The following EIF5B variants were observed in gnomAD, a reference collection of about 807,000 sequenced individuals.
The protein encoded by EIF5B is eIF-5B.
In EIF5B, 47 loss-of-function variants were observed where a neutral mutation model predicts 147.5. The ratio of observed to expected loss-of-function variants is 0.32; its 90% CI spans 0.25 to 0.41. The LOEUF is 0.41. EIF5B is among the 10% of genes least tolerant of loss of function. EIF5B has a pLI of 1.00. For synonymous variants in EIF5B, 455 were observed against 456.2 expected (o/e 1.00, Z 0.03); for missense variants, 1,064 against 1,413.2 (o/e 0.75, Z 3.96).
At position 99,390,267 on chromosome 2, in the gene EIF5B, G is replaced by A; in HGVS notation, c.2452G>A (p.Val818Met). ...TGAGAATAAAGATCCCCGCACTTTT[G>A]TGTCTTTGGTACCTACCTCTGCACA... ...FYENKDPRTF[V>M]SLVPTSAHTG... is the part of the protein sequence containing the mutation. The change falls in exon 16 of 24, where the codon GTG (valine) becomes ATG (methionine). Residue 818 changes from valine to methionine, a missense_variant. Around this residue, in one of 4 missense-constraint regions of EIF5B, gnomAD observed 380 missense variants for 715.6 expected, o/e 0.53. Transcript: ENST00000289371. The A allele has an allele frequency of 1.2e-6, 2 of 1,614,066 alleles. No homozygotes were observed. Among genetic ancestry groups the A allele is most frequent in the Non-Finnish European group, 1.7e-6 (2 of 1,179,998 alleles).
intron 1 of EIF5B, among the ~76,000 whole-genome samples, chr2:99,354,704 T>C (rs1408083531): frequency 2.0e-5 from 3 of 152,166 alleles, no homozygotes; most frequent in Admixed American, 6.6e-5. Flanking sequence ...TGAGGTTCAT[T>C]TTTGTGTGAT....
At chr2:99,375,830 T>G (rs1356464905) in intron 9 of EIF5B, among the ~76,000 whole-genome samples, 12 of 152,234 alleles carry the variant, frequency 7.9e-5, no homozygotes, top group Admixed American at 7.8e-4. Flanking sequence ...ATCTGAAATC[T>G]GAAATGCTCC....
chr2:99,379,898 A>T (rs1674653936), intron 12 of EIF5B, among the ~76,000 whole-genome samples: 1 of 152,162 alleles, frequency 6.6e-6, no homozygotes, highest in Non-Finnish European at 1.5e-5. Context: ...ACCACCCTTT[A>T]AGTGTCACCT....
Position 99,374,446 on chromosome 2 carries a change from G to A in EIF5B, c.1553-1901G>A, listed in dbSNP as rs537608176. Among the ~76,000 whole-genome samples the A allele has an allele frequency of 6.6e-5, 10 of 151,760 alleles. 1 individual carries two copies. Among genetic ancestry groups the A allele is most frequent in the Admixed American group, 5.2e-4 (8 of 15,272 alleles). ...TGTTGCGCTTCGTTTCCTGCATCTT[G>A]TACCTTCCATTTGAGATCATTTCTT... On this transcript the variant is annotated intron_variant, in intron 9 of 23. Coordinates refer to ENST00000289371, the MANE Select transcript of EIF5B (RefSeq NM_015904.4).
chr2:99,379,287 A>T (rs1229542077), intron 11 of EIF5B, 31 bp from the exon 12 acceptor site: 1 of 1,566,258 alleles, frequency 6.4e-7, no homozygotes, highest in Admixed American at 1.8e-5. Context: ...CCATGTTCAA[A>T]TACCAATCTG....
intron 17 of EIF5B, among the ~76,000 whole-genome samples, chr2:99,391,820 C>T (rs1367296621): frequency 6.6e-6 from 1 of 150,710 alleles, no homozygotes; most frequent in Non-Finnish European, 1.5e-5. Flanking sequence ...GCCTCAACCT[C>T]CCCGGGGTTC....
intron 5 of EIF5B, among the ~76,000 whole-genome samples, 153 bp from the exon 6 acceptor site, chr2:99,364,118 T>G (rs1007021103): frequency 1.3e-5 from 2 of 152,228 alleles, no homozygotes; most frequent in African/African-American, 4.8e-5. Flanking sequence ...TTAATAATCA[T>G]GTATAACATT....
intron 1 of EIF5B, among the ~76,000 whole-genome samples, chr2:99,358,287 G>A (rs1366750222): frequency 6.6e-6 from 1 of 151,964 alleles, no homozygotes; most frequent in Non-Finnish European, 1.5e-5. Context: ...GGCAGGTCTC[G>A]AACTCCTGGG....
rs1300163917 is a variant in EIF5B at position 99,376,417 on chromosome 2, A to G, written c.1623A>G (p.Glu541=). 3 of 1,567,938 alleles carry G rather than the reference A, an allele frequency of 1.9e-6. No individual in the cohort carries two copies. In the Admixed American group the frequency reaches 5.0e-5, roughly 26 times the overall value. ...AGGAGGAGGAGGAGGAAGAAGAGGAAGAAGAAGATGAAGAAAGTGAAGAAG... is the reference window on the plus strand; with the variant it reads ...AGGAGGAGGAGGAGGAAGAAGAGGAGGAAGAAGATGAAGAAAGTGAAGAAG... ...PEEEEEEEEE[E]EEDEESEEEE... is the part of the protein sequence containing the mutation. The change falls in exon 10 of 24, where the codon GAA becomes GAG. Residue 541 remains glutamate, a synonymous_variant. Transcript: ENST00000289371.
Position 99,394,603 on chromosome 2 carries a change from C to CT in EIF5B, c.3089+19dup. 6.2e-7 allele frequency: 1 copy of CT among 1,613,916 alleles called. No homozygotes were observed. Among genetic ancestry groups the CT allele is most frequent in the Non-Finnish European group, 8.5e-7 (1 of 1,179,912 alleles). ...GACCCTCAGTAAGTAATTTCTCTTG[C>CT]TATGAAGGCTTTCATGTTACGTAGC... On this transcript the variant is annotated intron_variant, in intron 20 of 23. Coordinates refer to ENST00000289371, the MANE Select transcript of EIF5B (RefSeq NM_015904.4).
intron 1 of EIF5B, among the ~76,000 whole-genome samples, chr2:99,350,341 G>T (rs1673914090): frequency 6.6e-6 from 1 of 152,000 alleles, no homozygotes; most frequent in Admixed American, 6.6e-5. Flanking sequence ...TGATAGTTCT[G>T]TTTTTTTGAG....
At position 99,363,865 on chromosome 2, in the gene EIF5B, ATG is replaced by A; in HGVS notation, c.1137+5_1137+6del. 6.3e-7 allele frequency: 1 copy of A among 1,599,974 alleles called. No homozygotes were observed. The highest frequency in any genetic ancestry group is 8.5e-7 in the Non-Finnish European group (1 of 1,176,218). On this transcript the variant is annotated splice_donor_5th_base_variant and intron_variant, in intron 5 of 23. Coordinates refer to ENST00000289371, the MANE Select transcript of EIF5B (RefSeq NM_015904.4). Reference sequence around the variant, plus strand: ...TAGAAGCCAAGCGTAAAGAAGAGGTATGTTTTCATGAAGTTGGTAACATTGAT... The same window carrying A: ...TAGAAGCCAAGCGTAAAGAAGAGGTATTTTCATGAAGTTGGTAACATTGAT...
At chr2:99,360,214 G>A (rs571284174) in intron 1 of EIF5B, 22 bp from the exon 2 acceptor site, 2 of 1,565,700 alleles carry the variant, frequency 1.3e-6, no homozygotes, top group South Asian at 1.2e-5. Context: ...TAGCATTTAG[G>A]ATGTTTTTGT....
At position 99,394,571 on chromosome 2, in the gene EIF5B, G is replaced by T. The variant is rs1328257451; in HGVS notation, c.3075G>T (p.Leu1025Phe). ...ATGTTATGAAGGCTTCAGTGATGTTGGAACATGACCCTCAGTAAGTAATTT... is the reference window on the plus strand; with the variant it reads ...ATGTTATGAAGGCTTCAGTGATGTTTGAACATGACCCTCAGTAAGTAATTT... ...KKDVMKASVM[L>F]EHDPQYAVIL... is the part of the protein sequence containing the mutation. Residue 1025 changes from leucine (L) to phenylalanine (F), a missense_variant, in exon 20 of 24, where the codon TTG (leucine) becomes TTT (phenylalanine). Transcript: ENST00000289371. The T allele has an allele frequency of 1.2e-6, 2 of 1,614,046 alleles. No homozygotes were observed. Among genetic ancestry groups the T allele is most frequent in the African/African-American group, 2.7e-5 (2 of 74,936 alleles).
intron 1 of EIF5B, 86 bp downstream of exon 1, chr2:99,337,675 G>T: frequency 6.7e-7 from 1 of 1,486,290 alleles, no homozygotes; most frequent in Non-Finnish European, 9.0e-7. Flanking sequence ...TCGGACCGGG[G>T]TCTGGGCTCG....
chr2:99,340,649 C>T (rs1265623268), intron 1 of EIF5B: 1 of 152,076 alleles, frequency 6.6e-6, no homozygotes, highest in Non-Finnish European at 1.5e-5. Flanking sequence ...TTTAACTTAC[C>T]TAATTTTATT....
chr2:99,399,307 A>C lies in EIF5B; in HGVS notation c.3556A>C (p.Ile1186Leu). 6.2e-7 allele frequency: 1 copy of C among 1,614,056 alleles called. No homozygotes were observed. Among genetic ancestry groups the C allele is most frequent in the Non-Finnish European group, 8.5e-7 (1 of 1,179,984 alleles). Reference sequence around the variant, plus strand: ...CCTGTTTGTGCCTCGGGCATTGCAGATCAGCCGGCAGTCCATTGATGCACT... The same window carrying C: ...CCTGTTTGTGCCTCGGGCATTGCAGCTCAGCCGGCAGTCCATTGATGCACT... ...FEATDILVSK[I>L]SRQSIDALKD... Residue 1186 changes from isoleucine (I) to leucine (L), a missense_variant and splice_region_variant, in exon 24 of 24, where the codon ATC (isoleucine) becomes CTC (leucine). By Grantham distance (5) the Ile-to-Leu change is conservative. Transcript: ENST00000289371.
At position 99,382,901 on chromosome 2, in the gene EIF5B, T is replaced by G; in HGVS notation, c.2251T>G (p.Phe751Val). Residue 751 changes from phenylalanine to valine, a missense_variant, in exon 14 of 24, where the codon TTC (phenylalanine) becomes GTC (valine). This residue lies in a region of EIF5B where 380 missense variants were observed against 715.6 expected (regional missense o/e 0.53). Coordinates refer to ENST00000289371, the MANE Select transcript of EIF5B (RefSeq NM_015904.4). Reference sequence around the variant, plus strand: ...CCTTCTCAAATCTAAAAAATGTCCCTTCATTGTTGCACTCAATAAGGTATG... The same window carrying G: ...CCTTCTCAAATCTAAAAAATGTCCCGTCATTGTTGCACTCAATAAGGTATG... ...INLLKSKKCPFIVALNKIDRL... is the reference protein window; with the variant it reads ...INLLKSKKCPVIVALNKIDRL... 3.7e-6 allele frequency: 6 copies of G among 1,609,552 alleles called. No individual in the cohort carries two copies. Among genetic ancestry groups the G allele is most frequent in the Non-Finnish European group, 5.1e-6 (6 of 1,178,732 alleles).
At chr2:99,369,093 T>C (rs1356796623) in intron 7 of EIF5B, among the ~76,000 whole-genome samples, 1 of 152,094 alleles carries the variant, frequency 6.6e-6, no homozygotes, top group Non-Finnish European at 1.5e-5. Flanking sequence ...GCCAACATGA[T>C]GAAACCCTGC....
Sources: gnomAD v4.1 joint callset for allele counts (sites outside exome capture counted in the v4.1 genomes callset) on GRCh38, gnomAD v4.1.1 for gene constraint, gnomAD v4.1.1 regional missense constraint, MANE v1.5 for transcripts, NCBI Gene and HGNC (gene_info 2026-07-23, HGNC 2026-07-21) for gene names.